The following ANXA4 variants were observed in gnomAD, a reference collection of about 807,000 sequenced individuals.
ANXA4 encodes the protein 35-beta calcimedin.
In ANXA4, 39 loss-of-function variants were observed where a neutral mutation model predicts 49.8. The ratio of observed to expected loss-of-function variants is 0.78; its 90% confidence interval spans 0.61 to 1.02. The LOEUF (loss-of-function observed/expected upper bound fraction) is 1.02. Ranked by LOEUF, ANXA4 falls within the 50% of genes least tolerant of loss-of-function variation. The pLI, the probability that ANXA4 is intolerant of heterozygous loss-of-function variation, is 0.00. For missense variants in ANXA4, 360 were observed against 410.1 expected (o/e 0.88, Z 1.05); for synonymous variants, 134 against 152.5 (o/e 0.88, Z 0.89).
At chr2:69,766,222 C>T (rs1475456180) in intron 1 of ANXA4, among the ~76,000 whole-genome samples, 1 of 152,090 alleles carries the variant, frequency 6.6e-6, no homozygotes, top group Non-Finnish European at 1.5e-5. Flanking sequence ...TTTGGTAACC[C>T]CACCTTAAAC....
At chr2:69,741,680 C>T (rs1335472625), upstream of ANXA4, among the ~76,000 whole-genome samples, 4 of 152,234 alleles carry the variant, frequency 2.6e-5, no homozygotes, top group South Asian at 6.2e-4. Context: ...TGGGGGGAAG[C>T]GCGGATTTGC....
chr2:69,810,756 C>A, intron 7 of ANXA4, 83 bp downstream of exon 7: 2 of 1,101,402 alleles, frequency 1.8e-6, no homozygotes, highest in Non-Finnish European at 2.8e-6. Context: ...ATCCTTTCAG[C>A]CCCTGACATG....
chr2:69,773,842 G>A (rs577327481), intron 1 of ANXA4, among the ~76,000 whole-genome samples: 38 of 151,898 alleles, frequency 2.5e-4, no homozygotes, highest in African/African-American at 8.9e-4. Context: ...ATATTGGTCA[G>A]GCTGGTCTTG....
chr2:69,786,428 A>AG (rs1309128135), intron 2 of ANXA4, among the ~76,000 whole-genome samples: 1 of 152,072 alleles, frequency 6.6e-6, no homozygotes, highest in Non-Finnish European at 1.5e-5. Context: ...ACAGCAGCCC[A>AG]GGGGGATCTT....
Position 69,798,677 on chromosome 2 carries a change from G to C in ANXA4, c.98-5856G>C, listed in dbSNP as rs141187688. ...TTCAAGACTGGTGGCCAGCCCTTGTGGCTCCTTAATCAGCTGTCAGATGCC... is the reference window on the plus strand; with the variant it reads ...TTCAAGACTGGTGGCCAGCCCTTGTCGCTCCTTAATCAGCTGTCAGATGCC... On this transcript the variant is annotated intron_variant, in intron 3 of 12. Coordinates refer to ENST00000394295, the MANE Select transcript of ANXA4 (RefSeq NM_001153.5). Among the ~76,000 whole-genome samples the C allele has an allele frequency of 2.6e-3, 396 of 152,336 alleles. 1 individual carries two copies. The highest frequency in any genetic ancestry group is 8.8e-3 in the African/African-American group (366 of 41,582).
chr2:69,751,754 T>G (rs1187107678), intron 1 of ANXA4, among the ~76,000 whole-genome samples: 1 of 152,066 alleles, frequency 6.6e-6, no homozygotes, highest in Non-Finnish European at 1.5e-5. Flanking sequence ...GGCCCATCCT[T>G]CTGGGATCAA....
At position 69,820,667 on chromosome 2, in the gene ANXA4, T is replaced by C. The variant is rs769988255; in HGVS notation, c.784-32T>C. ...AGACACTGAAAAACAGCTAGGTTTT[T>C]GTATATGTTTGGATTTCGTTTTCTT... On this transcript the variant is annotated intron_variant, in intron 11 of 12. Coordinates refer to ENST00000394295, the MANE Select transcript of ANXA4 (RefSeq NM_001153.5). 4.3e-6 allele frequency: 7 copies of C among 1,611,930 alleles called. No homozygotes were observed. The South Asian group carries it at 4.4e-5, about 10-fold the overall frequency.
intron 1 of ANXA4, among the ~76,000 whole-genome samples, chr2:69,773,774 G>A (rs1671841936): frequency 1.3e-5 from 2 of 151,694 alleles, no homozygotes; most frequent in Non-Finnish European, 2.9e-5. Context: ...TGGGATTACA[G>A]GCGTGCACCA....
intron 1 of ANXA4, among the ~76,000 whole-genome samples, chr2:69,755,731 G>C (rs904368931): frequency 3.3e-5 from 5 of 152,144 alleles, no homozygotes; most frequent in African/African-American, 1.2e-4. Context: ...AATTGTCCTT[G>C]TATCAGCCCC....
intron 6 of ANXA4, 37 bp downstream of exon 6, chr2:69,808,033 G>A (rs780708282): frequency 1.2e-5 from 19 of 1,588,548 alleles, no homozygotes; most frequent in East Asian, 6.7e-5. Context: ...CTGAGGTTTC[G>A]CTGTGATTAG....
chr2:69,732,212 C>T (rs1244021774), intron 3 of ANXA4, among the ~76,000 whole-genome samples: 12 of 151,216 alleles, frequency 7.9e-5, no homozygotes, highest in African/African-American at 2.7e-4. Flanking sequence ...CTCCTGACCT[C>T]GTGATCCGGC....
At chr2:69,704,810 C>A (rs1336658690) in intron 2 of ANXA4, among the ~76,000 whole-genome samples, 1 of 152,152 alleles carries the variant, frequency 6.6e-6, no homozygotes, top group Non-Finnish European at 1.5e-5. Flanking sequence ...AAGATTGTAG[C>A]TGTTTTTGCA....
intron 3 of ANXA4, among the ~76,000 whole-genome samples, chr2:69,733,024 C>G (rs1243434871): frequency 6.6e-6 from 1 of 152,016 alleles, no homozygotes; most frequent in Non-Finnish European, 1.5e-5. Context: ...GTTTTCTTTG[C>G]AAATAAATAT....
At chr2:69,781,816 A>G (rs764089379) in intron 2 of ANXA4, among the ~76,000 whole-genome samples, 15 of 152,216 alleles carry the variant, frequency 9.9e-5, no homozygotes, top group Admixed American at 3.3e-4. Flanking sequence ...TCCTGAGAAT[A>G]TAGAAACAAG....
At chr2:69,716,448 C>G in intron 2 of ANXA4, among the ~76,000 whole-genome samples, 1 of 152,108 alleles carries the variant, frequency 6.6e-6, no homozygotes, top group Non-Finnish European at 1.5e-5. Flanking sequence ...CGAGGAACTG[C>G]GAGCAGCTCA....
intron 3 of ANXA4, among the ~76,000 whole-genome samples, chr2:69,797,095 C>T (rs1273040953): frequency 6.6e-6 from 1 of 152,146 alleles, no homozygotes; most frequent in African/African-American, 2.4e-5. Context: ...AAATGAGCTG[C>T]TTTTTCTTCA....
chr2:69,824,944 G>A (rs1001028893), intron 12 of ANXA4, among the ~76,000 whole-genome samples: 35 of 151,822 alleles, frequency 2.3e-4, no homozygotes, highest in Middle Eastern at 3.4e-3. Flanking sequence ...GCAGGCGCCT[G>A]TAGTCCCAGC....
intron 2 of ANXA4, among the ~76,000 whole-genome samples, chr2:69,681,496 C>A (rs1166356747): frequency 1.3e-5 from 2 of 152,052 alleles, no homozygotes; most frequent in African/African-American, 4.8e-5. Context: ...TCCTGAGTAG[C>A]TGGGATTACA....
chr2:69,798,090 G>T (rs978412132), intron 3 of ANXA4, among the ~76,000 whole-genome samples: 4 of 152,172 alleles, frequency 2.6e-5, no homozygotes, highest in Admixed American at 2.0e-4. Flanking sequence ...GACAGTGCTG[G>T]TTCCTCACAT....
Sources: allele counts gnomAD v4.1 joint callset (sites outside exome capture counted in the v4.1 genomes callset), GRCh38; gene constraint gnomAD v4.1.1; transcripts MANE v1.5; gene names NCBI Gene and HGNC (gene_info 2026-07-23, HGNC 2026-07-21).